IFI27L1: variants seen among roughly 807,000 people sequenced by gnomAD.
The protein encoded by IFI27L1 is interferon alpha-inducible protein 27-like protein 1.
In IFI27L1, 3 loss-of-function variants were observed where a neutral mutation model predicts 9.2. The observed-to-expected ratio is 0.32, with a 90% CI of 0.15 to 0.84. The LOEUF (loss-of-function observed/expected upper bound fraction) is 0.84. IFI27L1 is among the 40% of genes least tolerant of loss of function. The pLI, the probability that IFI27L1 is intolerant of heterozygous loss-of-function variation, is 0.56. For synonymous variants in IFI27L1, 53 were observed against 50.0 expected (o/e 1.06, Z -0.26); for missense variants, 133 against 134.2 (o/e 0.99, Z 0.05).
intron 1 of IFI27L1, among the ~76,000 whole-genome samples, chr14:94,086,994 T>C (rs1053139607): frequency 6.6e-6 from 1 of 152,056 alleles, no homozygotes; most frequent in African/African-American, 2.4e-5. Flanking sequence ...GGCATTGCAG[T>C]GGGAAAATTC....
intron 1 of IFI27L1, among the ~76,000 whole-genome samples, chr14:94,090,226 A>G (rs917915183): frequency 1.3e-5 from 2 of 152,200 alleles, no homozygotes; most frequent in Non-Finnish European, 2.9e-5. Context: ...CTGCAGCCAG[A>G]GATCACCGAT....
At chr14:94,101,349 A>C (rs1886888443) in intron 3 of IFI27L1, 1 of 218,976 alleles carries the variant, frequency 4.6e-6, no homozygotes, top group Non-Finnish European at 9.0e-6. Context: ...CTCTGACTGC[A>C]CTGCTCTGGA....
At chr14:94,090,802 C>T (rs967217793) in intron 1 of IFI27L1, among the ~76,000 whole-genome samples, 6 of 152,166 alleles carry the variant, frequency 3.9e-5, no homozygotes, top group African/African-American at 1.4e-4. Flanking sequence ...CAATTGCATC[C>T]AATTGCAAAA....
At position 94,100,804 on chromosome 14, in the gene IFI27L1, A is replaced by G. The variant is rs376017106; in HGVS notation, c.61+33A>G. The G allele has an allele frequency of 5.8e-5, 93 of 1,610,852 alleles. No individual in the cohort carries two copies. In the East Asian group the frequency reaches 1.3e-3, roughly 23 times the overall value. The stretch of plus-strand genomic sequence containing the variant: ...TCTATGGGAAGGAACTCAAGCCCCC[A>G]TCCCCCGCCTCCCCCCAGCCCTGAG... On this transcript the variant is annotated intron_variant, in intron 3 of 4. Transcript: ENST00000555523.
intron 1 of IFI27L1, among the ~76,000 whole-genome samples, chr14:94,084,583 G>A (rs539430811): frequency 2.6e-5 from 4 of 152,280 alleles, no homozygotes; most frequent in African/African-American, 9.6e-5. Context: ...AAAGAGTCAA[G>A]CTACCTTTTA....
chr14:94,086,947 G>A (rs541710549), intron 1 of IFI27L1, among the ~76,000 whole-genome samples: 1 of 152,112 alleles, frequency 6.6e-6, no homozygotes, highest in East Asian at 1.9e-4. Flanking sequence ...AACAAACAGA[G>A]AGAAGCCCTC....
chr14:94,085,927 T>C (rs1237925772), intron 1 of IFI27L1, among the ~76,000 whole-genome samples: 1 of 152,228 alleles, frequency 6.6e-6, no homozygotes, highest in Non-Finnish European at 1.5e-5. Flanking sequence ...GACTTATGCC[T>C]GAGGCATTGT....
At chr14:94,085,894 G>A (rs1000489783) in intron 1 of IFI27L1, among the ~76,000 whole-genome samples, 2 of 152,102 alleles carry the variant, frequency 1.3e-5, no homozygotes, top group Non-Finnish European at 2.9e-5. Flanking sequence ...AGCCATTTTG[G>A]TATTTTCATT....
chr14:94,092,796 T>C (rs530548488), intron 1 of IFI27L1, among the ~76,000 whole-genome samples: 2 of 152,302 alleles, frequency 1.3e-5, no homozygotes, highest in South Asian at 2.1e-4. Flanking sequence ...CAGTGGGAGA[T>C]AATTGAATCA....
At chr14:94,099,403 T>C (rs933106923) in intron 2 of IFI27L1, among the ~76,000 whole-genome samples, 12 of 152,104 alleles carry the variant, frequency 7.9e-5, no homozygotes, top group African/African-American at 2.9e-4. Context: ...TGGTGCAGGT[T>C]TGAAGATCCA....
intron 1 of IFI27L1, among the ~76,000 whole-genome samples, chr14:94,087,171 A>G (rs1157308160): frequency 6.6e-6 from 1 of 152,228 alleles, no homozygotes; most frequent in Non-Finnish European, 1.5e-5. Flanking sequence ...TACAAATAAT[A>G]ATAATAACAA....
Position 94,100,774 on chromosome 14 carries a change from G to C in IFI27L1, c.61+3G>C. On this transcript the variant is annotated splice_donor_region_variant and intron_variant, in intron 3 of 4. Coordinates refer to ENST00000555523, the MANE Select transcript of IFI27L1 (RefSeq NM_206949.3). ...TGTAGCAGCTGTGGTCGGAGGAGGT[G>C]AGTCTCTATGGGAAGGAACTCAAGC... is the stretch of plus-strand genomic sequence containing the variant. 6.2e-7 allele frequency: 1 copy of C among 1,613,612 alleles called. No homozygotes were observed. Among genetic ancestry groups the C allele is most frequent in the South Asian group, 1.1e-5 (1 of 91,060 alleles).
In IFI27L1 at chr14:94,101,930, G is replaced by T. The variant is rs200925095; in HGVS notation, c.178G>T (p.Gly60Cys). 1 of 1,614,252 alleles carries T rather than the reference G, an allele frequency of 6.2e-7. No individual in the cohort carries two copies. Residue 60 changes from glycine to cysteine, a missense_variant, in exon 4 of 5, where the codon GGC (glycine) becomes TGC (cysteine). Physicochemically the swap from Gly to Cys is radical, Grantham distance 159. Coordinates refer to ENST00000555523, the MANE Select transcript of IFI27L1 (RefSeq NM_206949.3). The stretch of plus-strand genomic sequence containing the variant: ...GTCTACAGCAGCCATTGCCAACGGG[G>T]GCGGAGTTGCTGCTGGCAGTCTGGT... ...MMSTAAIANG[G>C]GVAAGSLVAI...
At chr14:94,085,428 T>C (rs1886250216) in intron 1 of IFI27L1, among the ~76,000 whole-genome samples, 1 of 152,208 alleles carries the variant, frequency 6.6e-6, no homozygotes, top group African/African-American at 2.4e-5. Context: ...GCCTGGCACA[T>C]GGTGAGCTCA....
At chr14:94,092,752 G>T (rs941314618) in intron 1 of IFI27L1, among the ~76,000 whole-genome samples, 1 of 152,146 alleles carries the variant, frequency 6.6e-6, no homozygotes, top group African/African-American at 2.4e-5. Context: ...TTGAATTGTA[G>T]CTCCCATAAT....
intron 1 of IFI27L1, among the ~76,000 whole-genome samples, chr14:94,084,927 T>C (rs1886230586): frequency 6.6e-6 from 1 of 152,170 alleles, no homozygotes; most frequent in South Asian, 2.1e-4. Flanking sequence ...TACACAGTTT[T>C]TAATTTCTTT....
chr14:94,081,852 G>A (rs1002826790), intron 1 of IFI27L1, among the ~76,000 whole-genome samples: 7 of 152,156 alleles, frequency 4.6e-5, no homozygotes, highest in African/African-American at 1.7e-4. Flanking sequence ...CTTTCCTTGG[G>A]TCTCTATTCC....
chr14:94,100,747 G>A lies in IFI27L1; in HGVS notation c.37G>A (p.Ala13Thr). ...GTTGTTTTTGTCTCCAGGCAGGGCTGCTGTAGCAGCTGTGGTCGGAGGAGG... is the reference window on the plus strand; with the variant it reads ...GTTGTTTTTGTCTCCAGGCAGGGCTACTGTAGCAGCTGTGGTCGGAGGAGG... ...KESGWDSGRA[A>T]VAAVVGGVVA... The change falls in exon 3 of 5, where the codon GCT (alanine) becomes ACT (threonine). Residue 13 changes from alanine to threonine, a missense_variant. By Grantham distance (58) the Ala-to-Thr change is moderately conservative. Coordinates refer to ENST00000555523, the MANE Select transcript of IFI27L1 (RefSeq NM_206949.3). The A allele has an allele frequency of 6.2e-7, 1 of 1,613,582 alleles. No homozygotes were observed. Among genetic ancestry groups the A allele is most frequent in the Non-Finnish European group, 8.5e-7 (1 of 1,179,924 alleles).
rs144507907 is a variant in IFI27L1 at position 94,085,185 on chromosome 14, T to G, written c.-52+3736T>G. ...GGAACCAAGAATGCATATGGAGAAG[T>G]TGGAACAGTTGAGCTCATATATTTC... On this transcript the variant is annotated intron_variant, in intron 1 of 4. Transcript: ENST00000555523. Among the ~76,000 whole-genome samples, 104 of 152,264 alleles carry G rather than the reference T, an allele frequency of 6.8e-4. No individual in the cohort carries two copies. In the East Asian group the frequency reaches 0.018, roughly 26 times the overall value.
Sources: gnomAD v4.1 joint callset for allele counts (sites outside exome capture counted in the v4.1 genomes callset) on GRCh38, gnomAD v4.1.1 for gene constraint, MANE v1.5 for transcripts, NCBI Gene and HGNC (gene_info 2026-07-23, HGNC 2026-07-21) for gene names.